The following NSD3 variants were observed in gnomAD, a reference collection of about 807,000 sequenced individuals.
NSD3 encodes nuclear receptor binding SET domain protein 3.
A neutral mutation model predicts 160.8 loss-of-function variants in NSD3; 24 were observed. The observed-to-expected ratio is 0.15, with a 90% CI of 0.11 to 0.21. The LOEUF (loss-of-function observed/expected upper bound fraction) is 0.21. Ranked by LOEUF, NSD3 falls within the 10% of genes least tolerant of loss-of-function variation. The pLI is 1.00. For missense variants in NSD3, 1,157 were observed against 1,735.9 expected, an observed-to-expected ratio of 0.67 and a Z score of 5.93; for synonymous variants, 520 against 600.0, an observed-to-expected ratio of 0.87 and a Z score of 1.95.
intron 23 of NSD3, 182 bp from the exon 24 acceptor site, chr8:38,276,064 C>T: frequency 1.3e-6 from 1 of 782,162 alleles, no homozygotes; most frequent in Non-Finnish European, 2.0e-6. Flanking sequence ...GAGCTACTGG[C>T]CAAAACCCAA....
At chr8:38,362,269 G>A in intron 1 of NSD3, among the ~76,000 whole-genome samples, 1 of 44,172 alleles carries the variant, frequency 2.3e-5, no homozygotes, top group African/African-American at 6.6e-5. Flanking sequence ...GGGGGGGGGG[G>A]GGGGCACAAG....
chr8:38,368,798 A>G (rs1811168864), intron 1 of NSD3, among the ~76,000 whole-genome samples: 1 of 152,202 alleles, frequency 6.6e-6, no homozygotes, highest in South Asian at 2.1e-4. Flanking sequence ...CCTTTACAGC[A>G]AGGGTAGTTG....
chr8:38,278,888 G>T (rs992623269), intron 21 of NSD3, among the ~76,000 whole-genome samples: 21 of 152,290 alleles, frequency 1.4e-4, no homozygotes, highest in African/African-American at 5.1e-4. Flanking sequence ...TCAAACTAGG[G>T]CCTCCTAAGC....
Position 38,274,004 on chromosome 8 carries a change from T to C in NSD3, c.*1637A>G, listed in dbSNP as rs187557083. The C allele has an allele frequency of 7.2e-5, 11 of 152,298 alleles. 1 individual carries two copies. The highest frequency in any genetic ancestry group is 6.2e-4 in the South Asian group (3 of 4,820). The allele number at this position is 152,298 out of a possible 1,614,324, so 9.4% of individuals were successfully genotyped here. On this transcript the variant is annotated 3_prime_UTR_variant, in exon 24 of 24. Transcript: ENST00000317025. ...CCTCTTTCCATAGAAGAGCTCTAAA[T>C]TGATAAGCAAATGGAACACTCAATA...
chr8:38,340,670 T>C (rs781575616), intron 2 of NSD3, among the ~76,000 whole-genome samples: 6 of 152,070 alleles, frequency 3.9e-5, no homozygotes, highest in African/African-American at 1.4e-4. Flanking sequence ...GAAAATGATA[T>C]GTTCTATAAG....
In NSD3 at chr8:38,305,322, G is replaced by A. The variant is rs375977005; in HGVS notation, c.2366C>T (p.Ser789Leu). 6.2e-7 allele frequency: 1 copy of A among 1,614,168 alleles called. No homozygotes were observed. Among genetic ancestry groups the A allele is most frequent in the Non-Finnish European group, 8.5e-7 (1 of 1,180,038 alleles). ...GTGCTGAGGACAGCGGAATCCTTTT[G>A]ATTCAAAGATGGCAGTGGGGAATTT... ...VRKFPTAIFE[S>L]KGFRCPQHCC... The change falls in exon 13 of 24, where the codon TCA becomes TTA. Residue 789 changes from serine (S) to leucine (L), a missense_variant. This residue lies in a region of NSD3 where 437 missense variants were observed against 576.6 expected (regional missense o/e 0.76). Transcript: ENST00000317025.
intron 7 of NSD3, among the ~76,000 whole-genome samples, chr8:38,324,216 A>C (rs1170700401): frequency 6.6e-6 from 1 of 152,208 alleles, no homozygotes; most frequent in African/African-American, 2.4e-5. Context: ...CAAATGTAGT[A>C]CTGGACTTTG....
At chr8:38,335,476 G>A (rs1226262376) in intron 4 of NSD3, among the ~76,000 whole-genome samples, 6 of 146,110 alleles carry the variant, frequency 4.1e-5, no homozygotes, top group African/African-American at 1.5e-4. Flanking sequence ...TGAAGATCCA[G>A]AGTTCTGACA....
At chr8:38,334,302 G>A (rs1044958934) in intron 4 of NSD3, among the ~76,000 whole-genome samples, 1 of 152,240 alleles carries the variant, frequency 6.6e-6, no homozygotes, top group Non-Finnish European at 1.5e-5. Context: ...TACAGAGACA[G>A]AAAGTAGTTA....
At chr8:38,355,986 T>C (rs1490206278) in intron 1 of NSD3, among the ~76,000 whole-genome samples, 1 of 152,190 alleles carries the variant, frequency 6.6e-6, no homozygotes, top group Non-Finnish European at 1.5e-5. Context: ...TCTTAACAAG[T>C]AAGCTTACTT....
At chr8:38,354,708 AATTTTT>A (rs1410687296) in intron 1 of NSD3, among the ~76,000 whole-genome samples, 1 of 152,174 alleles carries the variant, frequency 6.6e-6, no homozygotes, top group Admixed American at 6.5e-5. Context: ...AAGGTTTGAA[AATTTTT>A]AAACTGAAAA....
intron 19 of NSD3, among the ~76,000 whole-genome samples, chr8:38,284,650 G>A (rs1480014097): frequency 1.3e-5 from 2 of 152,204 alleles, no homozygotes; most frequent in Non-Finnish European, 2.9e-5. Flanking sequence ...ACCTCCGAAA[G>A]TGCTAGGATT....
chr8:38,378,637 G>A lies in NSD3; in HGVS notation c.-45+3162C>T, dbSNP rs569900329. Among the ~76,000 whole-genome samples, 88 of 151,922 alleles carry A rather than the reference G, an allele frequency of 5.8e-4. 1 individual carries two copies. The highest frequency in any genetic ancestry group is 2.0e-3 in the African/African-American group (83 of 41,408). On this transcript the variant is annotated intron_variant, in intron 1 of 23. Transcript: ENST00000317025. ...AGCCTGGGTGACAGAGCGAGACTCC[G>A]TCTCAAAACAAAAACAAAAACAAAA...
chr8:38,293,922 C>CAAAAAAAA (rs11290856), intron 16 of NSD3, among the ~76,000 whole-genome samples: 14 of 49,936 alleles, frequency 2.8e-4, no homozygotes, highest in African/African-American at 8.3e-4. Context: ...GACTCCGTCT[C>CAAAAAAAA]AAAAAAAAAA....
At position 38,315,530 on chromosome 8, in the gene NSD3, C is replaced by T; in HGVS notation, c.2001G>A (p.Lys667=). The T allele has an allele frequency of 1.2e-6, 2 of 1,613,448 alleles. No individual in the cohort carries two copies. The highest frequency in any genetic ancestry group is 2.2e-5 in the East Asian group (1 of 44,842). Reference sequence around the variant, plus strand: ...CAGTAGCTGAAGGGCTATCTACTTGCTTTCCAAAGCCTACCTACATAGAAA... The same window carrying T: ...CAGTAGCTGAAGGGCTATCTACTTGTTTTCCAAAGCCTACCTACATAGAAA... The part of the protein sequence containing the change: ...GLSDLQVGFG[K]QVDSPSATAD... Residue 667 remains lysine, a synonymous_variant, in exon 11 of 24, where the codon AAG becomes AAA. Coordinates refer to ENST00000317025, the MANE Select transcript of NSD3 (RefSeq NM_023034.2).
chr8:38,338,513 C>T (rs1352654460), intron 3 of NSD3, 23 bp downstream of exon 3: 1 of 1,593,924 alleles, frequency 6.3e-7, no homozygotes, highest in South Asian at 1.1e-5. Context: ...TTTGGTTAGA[C>T]AGTATTCAGT....
chr8:38,308,733 T>C (rs939426878), intron 12 of NSD3, among the ~76,000 whole-genome samples: 1 of 152,158 alleles, frequency 6.6e-6, no homozygotes, highest in Admixed American at 6.5e-5. Flanking sequence ...GGTGGGAGGA[T>C]TGAGCCCAGG....
rs1563353355 is a variant in NSD3, at chr8:38,319,122, T to C, written c.1810-182A>G. On this transcript the variant is annotated intron_variant, in intron 8 of 23. Coordinates refer to ENST00000317025, the MANE Select transcript of NSD3 (RefSeq NM_023034.2). This position sits in a 1 kb window ranked among gnomAD's most constrained non-coding sequence, Gnocchi z 4.1. ...TCAAGATCAGGGAGGGTTTAAATCC[T>C]AGCTGCCTGTGCTGAATATCAAGTG... is the stretch of plus-strand genomic sequence containing the variant. 6.9e-6 allele frequency: 4 copies of C among 577,952 alleles called. No individual in the cohort carries two copies. Among genetic ancestry groups the C allele is most frequent in the Non-Finnish European group, 1.2e-5 (4 of 325,700 alleles). The allele number at this position is 577,952 out of a possible 1,614,324, so 35.8% of individuals were successfully genotyped here. A position where few individuals can be genotyped will look rare whatever the true frequency, so the allele number is the denominator to read the frequency against.
At chr8:38,326,011 G>T (rs941634369) in intron 7 of NSD3, among the ~76,000 whole-genome samples, 1 of 151,960 alleles carries the variant, frequency 6.6e-6, no homozygotes, top group Admixed American at 6.6e-5. Context: ...AGCTGGGTGT[G>T]TTGGCATGCC....
Sources: gnomAD v4.1 joint callset for allele counts (sites outside exome capture counted in the v4.1 genomes callset) on GRCh38, gnomAD v4.1.1 for gene constraint, gnomAD v4.1.1 regional missense constraint, Gnocchi (gnomAD v3.1) non-coding constraint, MANE v1.5 for transcripts, NCBI Gene and HGNC (gene_info 2026-07-23, HGNC 2026-07-21) for gene names.